Variants in TRDN observed in about 807,000 individuals in gnomAD.
The protein encoded by TRDN is triadin in skeletal muscle.
A neutral mutation model predicts 149.7 loss-of-function variants in TRDN; 161 were observed. That is an observed-to-expected ratio of 1.08 (90% CI 0.95 to 1.23). TRDN has a LOEUF of 1.23. Ranked by LOEUF, TRDN falls within the 50% of genes most tolerant of loss-of-function variation. TRDN has a pLI of 0.00. For missense variants in TRDN, 896 were observed against 823.5 expected (o/e 1.09, Z -1.08); for synonymous variants, 294 against 250.5 (o/e 1.17, Z -1.64).
chr6:123,402,494 T>C (rs1019504049), intron 12 of TRDN, among the ~76,000 whole-genome samples: 7 of 152,220 alleles, frequency 4.6e-5, no homozygotes, highest in Admixed American at 3.3e-4. Context: ...TGTTTAAAGG[T>C]TTTATTTTAA....
intron 2 of TRDN, among the ~76,000 whole-genome samples, chr6:123,569,471 G>T (rs1782451690): frequency 6.6e-6 from 1 of 152,086 alleles, no homozygotes; most frequent in Admixed American, 6.5e-5. Context: ...CCCACTACTG[G>T]TGCCAATTTT....
At chr6:123,226,719 C>T (rs1402004845) in intron 38 of TRDN, among the ~76,000 whole-genome samples, 1 of 151,830 alleles carries the variant, frequency 6.6e-6, no homozygotes, top group Admixed American at 6.6e-5. Context: ...AGGAATAAGG[C>T]ACTTACTGTC....
At chr6:123,361,840 A>G (rs1269780717) in intron 20 of TRDN, among the ~76,000 whole-genome samples, 1 of 152,086 alleles carries the variant, frequency 6.6e-6, no homozygotes, top group African/African-American at 2.4e-5. Context: ...AAACAAATGC[A>G]AATGTAAATG....
intron 1 of TRDN, among the ~76,000 whole-genome samples, chr6:123,574,638 C>T (rs987649153): frequency 6.6e-6 from 1 of 151,754 alleles, no homozygotes; most frequent in African/African-American, 2.4e-5. Context: ...AGCCTTCCTA[C>T]TACCACTAAG....
intron 1 of TRDN, among the ~76,000 whole-genome samples, chr6:123,618,232 T>A (rs1366642549): frequency 6.6e-6 from 1 of 152,146 alleles, no homozygotes; most frequent in Non-Finnish European, 1.5e-5. Context: ...CCAACATGGG[T>A]CTCAAGGAGC....
intron 38 of TRDN, among the ~76,000 whole-genome samples, chr6:123,230,471 G>A (rs1242884507): frequency 6.6e-6 from 1 of 151,398 alleles, no homozygotes; most frequent in Non-Finnish European, 1.5e-5. Flanking sequence ...CACCAACATG[G>A]CACATGTTTA....
intron 19 of TRDN, among the ~76,000 whole-genome samples, chr6:123,374,664 T>A (rs1781439454): frequency 1.3e-5 from 2 of 152,008 alleles, no homozygotes; most frequent in Admixed American, 1.3e-4. Context: ...TCTCAAAAAC[T>A]ACTTGGGAGG....
chr6:123,301,531 A>G (rs775240633), intron 24 of TRDN, among the ~76,000 whole-genome samples: 1 of 151,636 alleles, frequency 6.6e-6, no homozygotes, highest in Non-Finnish European at 1.5e-5. Flanking sequence ...TATGAAATCA[A>G]TTTATACATG....
intron 6 of TRDN, among the ~76,000 whole-genome samples, chr6:123,514,369 A>G (rs970052842): frequency 2.0e-5 from 3 of 152,088 alleles, no homozygotes; most frequent in African/African-American, 7.2e-5. Context: ...CAAAAAAACA[A>G]TCTTTTTTAA....
chr6:123,390,233 AT>A (rs1252081905), intron 13 of TRDN, among the ~76,000 whole-genome samples: 1 of 152,176 alleles, frequency 6.6e-6, no homozygotes. Context: ...ATGTGAATAC[AT>A]TTAGCAAAAC....
chr6:123,318,063 T>C (rs1779098334), intron 23 of TRDN, among the ~76,000 whole-genome samples: 1 of 152,054 alleles, frequency 6.6e-6, no homozygotes, highest in East Asian at 1.9e-4. Context: ...CCTGGTGCTA[T>C]GTTTTGTCTC....
At chr6:123,318,477 A>C (rs954073778) in intron 23 of TRDN, among the ~76,000 whole-genome samples, 8 of 151,856 alleles carry the variant, frequency 5.3e-5, no homozygotes, top group African/African-American at 1.9e-4. Flanking sequence ...TTCCCAACCT[A>C]TTTCCCTTCA....
chr6:123,630,603 A>G (rs1785937740), intron 1 of TRDN, among the ~76,000 whole-genome samples: 6 of 151,952 alleles, frequency 3.9e-5, no homozygotes, highest in Admixed American at 3.9e-4. Flanking sequence ...AAATAGGAAA[A>G]AAAATAAGAA....
chr6:123,255,939 T>C, intron 35 of TRDN, 37 bp from the exon 36 acceptor site: 1 of 1,146,436 alleles, frequency 8.7e-7, no homozygotes, highest in African/African-American at 1.6e-5. Context: ...AATTTATTTT[T>C]TTATTTATTT....
chr6:123,612,177 G>A (rs1471923400), intron 1 of TRDN, among the ~76,000 whole-genome samples: 1 of 143,274 alleles, frequency 7.0e-6, no homozygotes, highest in African/African-American at 2.6e-5. Context: ...TATCGCCTGA[G>A]AGGTCACAGG....
At chr6:123,499,321 T>C (rs1387946247) in intron 8 of TRDN, among the ~76,000 whole-genome samples, 1 of 152,130 alleles carries the variant, frequency 6.6e-6, no homozygotes, top group Non-Finnish European at 1.5e-5. Context: ...TCAGAGAGTC[T>C]TCTTTAGCTG....
intron 12 of TRDN, among the ~76,000 whole-genome samples, chr6:123,431,579 G>A (rs905378834): frequency 7.2e-5 from 11 of 152,112 alleles, no homozygotes; most frequent in African/African-American, 2.4e-4. Context: ...TAAGGAGAAA[G>A]ATGTGGGTGA....
intron 38 of TRDN, among the ~76,000 whole-genome samples, chr6:123,243,429 A>T (rs1582766247): frequency 6.6e-6 from 1 of 152,318 alleles, no homozygotes; most frequent in Non-Finnish European, 1.5e-5. Context: ...AATAGATCCC[A>T]ATGGAAAAGA....
At chr6:123,339,220 G>T (rs1329742422) in intron 21 of TRDN, among the ~76,000 whole-genome samples, 4 of 151,898 alleles carry the variant, frequency 2.6e-5, no homozygotes, top group African/African-American at 7.3e-5. Context: ...AGCCAGGCTG[G>T]TCTCGAACTC....
Sources: gnomAD v4.1 joint callset for allele counts (sites outside exome capture counted in the v4.1 genomes callset) on GRCh38, gnomAD v4.1.1 for gene constraint, MANE v1.5 for transcripts, NCBI Gene and HGNC (gene_info 2026-07-23, HGNC 2026-07-21) for gene names.